PDS5B: variants seen among roughly 807,000 people sequenced by gnomAD.
PDS5B encodes PDS5 cohesin associated factor B.
PDS5B carries 51 observed loss-of-function variants against 184.1 expected under a neutral mutation model. That is an observed-to-expected ratio of 0.28 (90% CI 0.22 to 0.35). PDS5B has a LOEUF of 0.35. Ranked by LOEUF, PDS5B falls within the 10% of genes least tolerant of loss-of-function variation. The pLI is 1.00. For synonymous variants in PDS5B, 566 were observed against 569.2 expected, an observed-to-expected ratio of 0.99 and a Z score of 0.08; for missense variants, 1,180 against 1,723.3, an observed-to-expected ratio of 0.68 and a Z score of 5.58.
At chr13:32,599,960 T>A (rs1373063294) in intron 1 of PDS5B, among the ~76,000 whole-genome samples, 3 of 152,128 alleles carry the variant, frequency 2.0e-5, no homozygotes, top group African/African-American at 7.2e-5. Flanking sequence ...CCTCTGTTTT[T>A]CCTCTTGAGA....
chr13:32,699,748 G>T lies in PDS5B; in HGVS notation c.1619G>T (p.Gly540Val). 6.6e-7 allele frequency: 1 copy of T among 1,526,460 alleles called. No individual in the cohort carries two copies. The highest frequency in any genetic ancestry group is 8.8e-7 in the Non-Finnish European group (1 of 1,142,840). The allele number at this position is 1,526,460 out of a possible 1,614,324, so 94.6% of individuals were successfully genotyped here. Residue 540 changes from glycine to valine, a missense_variant, in exon 16 of 35, where the codon GGT (glycine) becomes GTT (valine). This residue lies in a region of PDS5B where 475 missense variants were observed against 691.5 expected (regional missense o/e 0.69). Coordinates refer to ENST00000315596, the MANE Select transcript of PDS5B (RefSeq NM_015032.4). The stretch of plus-strand genomic sequence containing the variant: ...TTTTAAGGAAATTTACCTGATCCTG[G>T]TAAGGCTCAGGATTTCATGAAGAAA... Reference protein sequence around the residue: ...MVITRNLPDPGKAQDFMKKFT... With the variant: ...MVITRNLPDPVKAQDFMKKFT...
At position 32,735,156 on chromosome 13, in the gene PDS5B, C is replaced by T; in HGVS notation, c.2248-16C>T. On this transcript the variant is annotated splice_polypyrimidine_tract_variant and intron_variant, in intron 20 of 34. Coordinates refer to ENST00000315596, the MANE Select transcript of PDS5B (RefSeq NM_015032.4). ...ATGTGTAGAGTTGAAATATATTTTC[C>T]TCCCCTCATTTTCAGCCTCTGCATA... The T allele has an allele frequency of 6.7e-7, 1 of 1,495,432 alleles. No homozygotes were observed. The highest frequency in any genetic ancestry group is 9.0e-7 in the Non-Finnish European group (1 of 1,114,260). The allele number at this position is 1,495,432 out of a possible 1,614,324, so 92.6% of individuals were successfully genotyped here.
intron 24 of PDS5B, among the ~76,000 whole-genome samples, chr13:32,747,382 A>T (rs1285173523): frequency 6.6e-6 from 1 of 151,266 alleles, no homozygotes; most frequent in Non-Finnish European, 1.5e-5. Context: ...CTCTCTAGAC[A>T]CAAACAGTCA....
chr13:32,619,380 T>A (rs2058263622), intron 1 of PDS5B, among the ~76,000 whole-genome samples: 1 of 152,202 alleles, frequency 6.6e-6, no homozygotes, highest in African/African-American at 2.4e-5. Context: ...ATGTTACTGT[T>A]CTGAATATCA....
intron 1 of PDS5B, among the ~76,000 whole-genome samples, chr13:32,588,478 A>C (rs970828060): frequency 6.6e-6 from 1 of 152,222 alleles, no homozygotes; most frequent in African/African-American, 2.4e-5. Context: ...GGTTTTAAAA[A>C]TTGTTCTCTT....
rs138230553 is a variant in PDS5B, at chr13:32,664,898, T to G, written c.625-2866T>G. The stretch of plus-strand genomic sequence containing the variant: ...AAGAAAGTGATAGCATGTGCACTTG[T>G]GTGTAATTTGACAAGATGAATCTAA... On this transcript the variant is annotated intron_variant, in intron 6 of 34. Coordinates refer to ENST00000315596, the MANE Select transcript of PDS5B (RefSeq NM_015032.4). Among the ~76,000 whole-genome samples, 20 of 151,998 alleles carry G rather than the reference T, an allele frequency of 1.3e-4. No individual in the cohort carries two copies. In the East Asian group the frequency reaches 3.3e-3, roughly 25 times the overall value.
In PDS5B at chr13:32,711,662, C is replaced by T. The variant is rs1862471101; in HGVS notation, c.2123+1556C>T. ...CATGAACCACCGCGCCTGGCCTTGA[C>T]TTCTAATTTTTAAGTAATCCCAGAG... On this transcript the variant is annotated intron_variant, in intron 19 of 34. Coordinates refer to ENST00000315596, the MANE Select transcript of PDS5B (RefSeq NM_015032.4). 2.0e-5 allele frequency among the ~76,000 whole-genome samples: 3 copies of T among 152,188 alleles called. No homozygotes were observed. In the South Asian group the frequency reaches 6.2e-4, roughly 31 times the overall value.
Position 32,735,112 on chromosome 13 carries a change from G to T in PDS5B, c.2248-60G>T. On this transcript the variant is annotated intron_variant, in intron 20 of 34. Coordinates refer to ENST00000315596, the MANE Select transcript of PDS5B (RefSeq NM_015032.4). ...ATTTTGTAATTTGAAAATGAAATAT[G>T]TAAACAGTTTATTTGTATATGTGTA... 8.0e-6 allele frequency: 8 copies of T among 1,000,062 alleles called. No individual in the cohort carries two copies. The South Asian group carries it at 2.0e-4, about 25-fold the overall frequency. The allele number at this position is 1,000,062 out of a possible 1,614,324, so 61.9% of individuals were successfully genotyped here.
chr13:32,723,420 AAACTTG>A (rs71739683), intron 19 of PDS5B, among the ~76,000 whole-genome samples: 58,440 of 151,492 alleles, frequency 0.39, 11,687 homozygotes, highest in Non-Finnish European at 0.45. Context: ...ATCAAGGAAA[AAACTTG>A]AACTTGAAGG....
At chr13:32,721,192 G>A (rs1345841472) in intron 19 of PDS5B, among the ~76,000 whole-genome samples, 2 of 151,486 alleles carry the variant, frequency 1.3e-5, no homozygotes, top group Non-Finnish European at 3.0e-5. Context: ...TGGGCAGAGG[G>A]GCTCCTCACT....
At chr13:32,656,994 T>A (rs959334368) in intron 3 of PDS5B, among the ~76,000 whole-genome samples, 4 of 152,252 alleles carry the variant, frequency 2.6e-5, no homozygotes, top group Admixed American at 1.3e-4. Context: ...GTTTTATGGC[T>A]TATTATGTGG....
At chr13:32,688,982 G>T (rs1280395597) in intron 13 of PDS5B, 1 of 190,274 alleles carries the variant, frequency 5.3e-6, no homozygotes. Flanking sequence ...ATTTTGTGCT[G>T]CATAGCCTGA....
In PDS5B at chr13:32,746,035, C is replaced by G; in HGVS notation, c.2671C>G (p.Gln891Glu). Reference sequence around the variant, plus strand: ...TGGGAGTGCTATTGTGAAGCTGGCACAAGAACCCTGTTACCATGAAATCAT... The same window carrying G: ...TGGGAGTGCTATTGTGAAGCTGGCAGAAGAACCCTGTTACCATGAAATCAT... Reference protein sequence around the residue: ...AAGSAIVKLAQEPCYHEIITL... With the variant: ...AAGSAIVKLAEEPCYHEIITL... Residue 891 changes from glutamine (Q) to glutamate (E), a missense_variant, in exon 24 of 35, where the codon CAA (glutamine) becomes GAA (glutamate). Around this residue, in one of 11 missense-constraint regions of PDS5B, gnomAD observed 40 missense variants for 107.2 expected, o/e 0.37. Transcript: ENST00000315596. 6.2e-7 allele frequency: 1 copy of G among 1,613,050 alleles called. No individual in the cohort carries two copies. Among genetic ancestry groups the G allele is most frequent in the Non-Finnish European group, 8.5e-7 (1 of 1,179,062 alleles).
intron 1 of PDS5B, among the ~76,000 whole-genome samples, chr13:32,594,396 C>T (rs1030510307): frequency 6.6e-6 from 1 of 151,986 alleles, no homozygotes; most frequent in Non-Finnish European, 1.5e-5. Context: ...GCTAGAGATA[C>T]AAAGATGAAA....
chr13:32,756,480 T>C (rs1041640447), intron 26 of PDS5B, among the ~76,000 whole-genome samples: 1 of 152,200 alleles, frequency 6.6e-6, no homozygotes. Context: ...CTTTCAAAGA[T>C]TATTGCTTAA....
chr13:32,606,417 A>G (rs2058061520), intron 1 of PDS5B, among the ~76,000 whole-genome samples: 1 of 152,232 alleles, frequency 6.6e-6, no homozygotes, highest in African/African-American at 2.4e-5. Flanking sequence ...TGGCTTGTAG[A>G]GTTTCTGCCG....
intron 28 of PDS5B, 31 bp from the exon 29 acceptor site, chr13:32,759,597 C>T: frequency 1.6e-6 from 2 of 1,238,936 alleles, no homozygotes; most frequent in Non-Finnish European, 2.3e-6. Flanking sequence ...TTTTAATATT[C>T]ACTGACTACT....
At position 32,670,268 on chromosome 13, in the gene PDS5B, G is replaced by A. The variant is rs376543378; in HGVS notation, c.705+2424G>A. On this transcript the variant is annotated intron_variant, in intron 7 of 34. Coordinates refer to ENST00000315596, the MANE Select transcript of PDS5B (RefSeq NM_015032.4). ...GTCTTGCTCTGTCACCCAGGCTGGA[G>A]TTCAGTGGTGTGATCTTGTTACACT... 3.6e-4 allele frequency among the ~76,000 whole-genome samples: 55 copies of A among 152,258 alleles called. 2 individuals are homozygous for A. In the East Asian group the frequency reaches 6.2e-3, roughly 17 times the overall value.
intron 1 of PDS5B, among the ~76,000 whole-genome samples, chr13:32,640,890 T>TA (rs1035573872): frequency 2.7e-5 from 4 of 150,790 alleles, no homozygotes; most frequent in East Asian, 2.0e-4. Flanking sequence ...CCATCTCTAC[T>TA]AAAAAAAATA....
Sources: gnomAD v4.1 joint callset for allele counts (sites outside exome capture counted in the v4.1 genomes callset) on GRCh38, gnomAD v4.1.1 for gene constraint, gnomAD v4.1.1 regional missense constraint, MANE v1.5 for transcripts, NCBI Gene and HGNC (gene_info 2026-07-23, HGNC 2026-07-21) for gene names.